Variants in SNCAIP observed in about 807,000 individuals in gnomAD.
SNCAIP encodes synphilin-1.
Under a neutral mutation model 86.7 loss-of-function variants are expected in SNCAIP, and 43 were observed. The ratio of observed to expected loss-of-function variants is 0.50; its 90% confidence interval spans 0.39 to 0.64. The LOEUF (loss-of-function observed/expected upper bound fraction) is 0.64, where lower values mean the gene tolerates loss of function less well. SNCAIP is among the 30% of genes least tolerant of loss of function. The pLI, the probability that SNCAIP is intolerant of heterozygous loss-of-function variation, is 0.00. For missense variants in SNCAIP, 981 were observed against 1,103.1 expected, an observed-to-expected ratio of 0.89 and a Z score of 1.57; for synonymous variants, 417 against 427.2, an observed-to-expected ratio of 0.98 and a Z score of 0.29.
intron 1 of SNCAIP, among the ~76,000 whole-genome samples, chr5:122,341,652 G>T (rs1183339960): frequency 6.6e-6 from 1 of 152,164 alleles, no homozygotes; most frequent in Non-Finnish European, 1.5e-5. Flanking sequence ...AAAACAGTAT[G>T]ATTTTCCATG....
In SNCAIP at chr5:122,425,515, C is replaced by T; in HGVS notation, c.1166C>T (p.Ala389Val). 3 of 1,614,018 alleles carry T rather than the reference C, an allele frequency of 1.9e-6. No homozygotes were observed. The highest frequency in any genetic ancestry group is 2.5e-6 in the Non-Finnish European group (3 of 1,179,902). Reference sequence around the variant, plus strand: ...CGCAACACTGAGAAGTTGACTCCAGCAGGCCTGGCCATTAAGGTGACTGGT... The same window carrying T: ...CGCAACACTGAGAAGTTGACTCCAGTAGGCCTGGCCATTAAGGTGACTGGT... ...NERNTEKLTP[A>V]GLAIKNGQLE... Residue 389 changes from alanine (A) to valine (V), a missense_variant, in exon 5 of 11, where the codon GCA (alanine) becomes GTA (valine). Coordinates refer to ENST00000261368, the MANE Select transcript of SNCAIP (RefSeq NM_005460.4).
chr5:122,373,313 A>C (rs1349453898), intron 1 of SNCAIP, among the ~76,000 whole-genome samples: 1 of 152,140 alleles, frequency 6.6e-6, no homozygotes, highest in African/African-American at 2.4e-5. Context: ...TTCTGTTTTC[A>C]GCATCTCATC....
At position 122,450,781 on chromosome 5, in the gene SNCAIP, C is replaced by T. The variant is rs1003881652; in HGVS notation, c.1934C>T (p.Ala645Val). ...AAACTGTCCTTGGAATTCCAGGATG[C>T]TCAGGCTTCCTCTAGAAATTCTAAA... Reference protein sequence around the residue: ...QEKLSLEFQDAQASSRNSKKI... With the variant: ...QEKLSLEFQDVQASSRNSKKI... The change falls in exon 10 of 11, where the codon GCT becomes GTT. Residue 645 changes from alanine (A) to valine (V), a missense_variant. Coordinates refer to ENST00000261368, the MANE Select transcript of SNCAIP (RefSeq NM_005460.4). 1 of 1,614,048 alleles carries T rather than the reference C, an allele frequency of 6.2e-7. No individual in the cohort carries two copies. The highest frequency in any genetic ancestry group is 8.5e-7 in the Non-Finnish European group (1 of 1,179,940).
Position 122,450,552 on chromosome 5 carries a change from T to C in SNCAIP, c.1705T>C (p.Ser569Pro), listed in dbSNP as rs1269768578. 6.2e-7 allele frequency: 1 copy of C among 1,613,696 alleles called. No homozygotes were observed. Among genetic ancestry groups the C allele is most frequent in the East Asian group, 2.2e-5 (1 of 44,890 alleles). Reference protein sequence around the residue: ...SSPSSPSSPASRKSQWKSPDA... With the variant: ...SSPSSPSSPAPRKSQWKSPDA... Reference sequence around the variant, plus strand: ...TTTTAGTTCACCATCCTCACCTGCCTCCAGAAAGTCCCAGTGGAAATCTCC... The same window carrying C: ...TTTTAGTTCACCATCCTCACCTGCCCCCAGAAAGTCCCAGTGGAAATCTCC... Residue 569 changes from serine (S) to proline (P), a missense_variant, in exon 10 of 11, where the codon TCC becomes CCC. Transcript: ENST00000261368.
At chr5:122,426,343 T>A (rs1323278729) in intron 5 of SNCAIP, among the ~76,000 whole-genome samples, 1 of 152,180 alleles carries the variant, frequency 6.6e-6, no homozygotes, top group East Asian at 1.9e-4. Flanking sequence ...ATAATCATAA[T>A]TTTTATAAAT....
intron 8 of SNCAIP, among the ~76,000 whole-genome samples, chr5:122,445,198 T>G (rs1782008131): frequency 1.3e-5 from 2 of 152,232 alleles, no homozygotes; most frequent in Admixed American, 1.3e-4. Context: ...AATAACTTGG[T>G]GACTATCACC....
Sources: gnomAD v4.1 joint callset for allele counts (sites outside exome capture counted in the v4.1 genomes callset) on GRCh38, gnomAD v4.1.1 for gene constraint, MANE v1.5 for transcripts, NCBI Gene and HGNC (gene_info 2026-07-23, HGNC 2026-07-21) for gene names.